Variants in ABCC8 observed in about 807,000 individuals in gnomAD.
ABCC8 encodes the protein ATP binding cassette subfamily C member 8.
Under a neutral mutation model 188.0 loss-of-function variants are expected in ABCC8, and 137 were observed. The observed-to-expected ratio is 0.73, with a 90% CI of 0.63 to 0.84. ABCC8 has a LOEUF of 0.84. Among genes scored for constraint, ABCC8 ranks in the 40% least tolerant of loss-of-function variants. The pLI, the probability that ABCC8 is intolerant of heterozygous loss-of-function variation, is 0.00. For missense variants in ABCC8, 1,750 were observed against 2,072.7 expected, an observed-to-expected ratio of 0.84 and a Z score of 3.02; for synonymous variants, 797 against 846.5, an observed-to-expected ratio of 0.94 and a Z score of 1.01.
rs572966649 is a variant in ABCC8, at chr11:17,469,715, C to T, written c.412+386G>A. 1.6e-4 allele frequency among the ~76,000 whole-genome samples: 24 copies of T among 152,286 alleles called. No individual in the cohort carries two copies. In the South Asian group the frequency reaches 5.0e-3, roughly 32 times the overall value. ...GCTTTGCCCACAGTGACATCTTTGCCAAATCTATCCCTATCAGAGGACTTT... is the reference window on the plus strand; with the variant it reads ...GCTTTGCCCACAGTGACATCTTTGCTAAATCTATCCCTATCAGAGGACTTT... On this transcript the variant is annotated intron_variant, in intron 3 of 38. Transcript: ENST00000389817.
chr11:17,403,715 C>T (rs1387272887), intron 28 of ABCC8, among the ~76,000 whole-genome samples: 1 of 152,184 alleles, frequency 6.6e-6, no homozygotes, highest in Non-Finnish European at 1.5e-5. Flanking sequence ...TCAGTACTCA[C>T]ACACCTCCAT....
chr11:17,456,271 A>G (rs946653503), intron 6 of ABCC8, among the ~76,000 whole-genome samples: 1 of 152,220 alleles, frequency 6.6e-6, no homozygotes, highest in Non-Finnish European at 1.5e-5. Context: ...AATCAAGCCA[A>G]TGATCTTCAT....
At chr11:17,445,185 T>C (rs1056315757) in intron 8 of ABCC8, among the ~76,000 whole-genome samples, 1 of 152,234 alleles carries the variant, frequency 6.6e-6, no homozygotes, top group Non-Finnish European at 1.5e-5. Flanking sequence ...TAACCTGGTG[T>C]TCTTGATAAA....
intron 7 of ABCC8, among the ~76,000 whole-genome samples, chr11:17,451,730 C>T (rs964582856): frequency 1.3e-5 from 2 of 152,230 alleles, no homozygotes; most frequent in African/African-American, 4.8e-5. Context: ...GCCCATTCTC[C>T]TCTTTGCACA....
intron 16 of ABCC8, among the ~76,000 whole-genome samples, chr11:17,424,849 C>T (rs1201879566): frequency 3.3e-5 from 5 of 152,212 alleles, no homozygotes; most frequent in Non-Finnish European, 7.3e-5. Context: ...ACTAGTAAGT[C>T]ACCCAACTTC....
At chr11:17,454,762 G>C (rs1275072872) in intron 6 of ABCC8, among the ~76,000 whole-genome samples, 1 of 152,178 alleles carries the variant, frequency 6.6e-6, no homozygotes, top group Non-Finnish European at 1.5e-5. Flanking sequence ...AAGGTCACAT[G>C]CTGGTAAGGG....
rs746647536 is a variant in ABCC8 at position 17,448,407 on chromosome 11, G to C, written c.1332+109C>G. ...TATAGCCAAGTGTGTGAAAGGTACA[G>C]GCAAGCATGGAGTGGAAGACGGTGT... On this transcript the variant is annotated intron_variant, in intron 8 of 38. Transcript: ENST00000389817. The C allele has an allele frequency of 6.0e-6, 6 of 1,000,036 alleles. No homozygotes were observed. The African/African-American group carries it at 9.5e-5, about 16-fold the overall frequency. 61.9% of individuals were successfully genotyped at this position (1,000,036 alleles called of 1,614,324 possible).
At chr11:17,429,526 A>AG (rs1160065375) in intron 12 of ABCC8, 2 of 152,228 alleles carry the variant, frequency 1.3e-5, no homozygotes, top group Non-Finnish European at 2.9e-5. Flanking sequence ...AGCTTCAGGT[A>AG]GTGTCCTGCG....
At chr11:17,423,035 C>G (rs1955415433) in intron 16 of ABCC8, among the ~76,000 whole-genome samples, 1 of 152,034 alleles carries the variant, frequency 6.6e-6, no homozygotes, top group Non-Finnish European at 1.5e-5. Flanking sequence ...CTGAGCTCTT[C>G]TAAGGCCCAG....
At chr11:17,460,417 G>T (rs1479990874) in intron 6 of ABCC8, 71 bp downstream of exon 6, 2 of 1,608,140 alleles carry the variant, frequency 1.2e-6, no homozygotes, top group African/African-American at 1.3e-5. Context: ...ACACACATTG[G>T]CCTGTTGCAC....
chr11:17,451,358 C>G (rs745585747), intron 7 of ABCC8, among the ~76,000 whole-genome samples: 3 of 152,196 alleles, frequency 2.0e-5, no homozygotes, highest in Non-Finnish European at 4.4e-5. Context: ...TTTTCCTGGG[C>G]TTTTTCCACT....
rs1455164593 is a variant in ABCC8 at position 17,463,828 on chromosome 11, T to C, written c.413-224A>G. ...TGAAAAACACCAATAATCTCATAAA[T>C]CAAACTGGTCAGACAAATGTCCCTT... On this transcript the variant is annotated intron_variant, in intron 3 of 38. Transcript: ENST00000389817. Among the ~76,000 whole-genome samples the C allele has an allele frequency of 3.3e-5, 5 of 152,072 alleles. No individual in the cohort carries two copies. In the South Asian group the frequency reaches 8.3e-4, roughly 25 times the overall value.
At position 17,461,777 on chromosome 11, in the gene ABCC8, G is replaced by C. The variant is rs752980376; in HGVS notation, c.628C>G (p.Leu210Val). The change falls in exon 5 of 39, where the codon CTG becomes GTG. Residue 210 changes from leucine to valine, a missense_variant. By Grantham distance (32) the Leu-to-Val change is conservative. Coordinates refer to ENST00000389817, the MANE Select transcript of ABCC8 (RefSeq NM_000352.6). ...AGGAAGCGTACCCCCAGGTCTTGCA[G>C]GTCCTCGGGAGGCTTCACCTCCCTC... Reference protein sequence around the residue: ...TPREVKPPEDLQDLGVRFLQP... With the variant: ...TPREVKPPEDVQDLGVRFLQP... 3.7e-6 allele frequency: 6 copies of C among 1,614,190 alleles called. No homozygotes were observed. The Admixed American group carries it at 8.3e-5, about 22-fold the overall frequency.
At chr11:17,467,137 A>C (rs1564986705) in intron 3 of ABCC8, among the ~76,000 whole-genome samples, 1 of 149,962 alleles carries the variant, frequency 6.7e-6, no homozygotes, top group South Asian at 2.1e-4. Context: ...ATGACCTTCC[A>C]GGTGGGTGCG....
At position 17,410,325 on chromosome 11, in the gene ABCC8, T is replaced by C; in HGVS notation, c.2694+191A>G. Reference sequence around the variant, plus strand: ...GATGGGGAGTGTCTGTGGGTCTAGGTGATACCAAACCCCTGGCCTGTACAG... The same window carrying C: ...GATGGGGAGTGTCTGTGGGTCTAGGCGATACCAAACCCCTGGCCTGTACAG... On this transcript the variant is annotated intron_variant, in intron 22 of 38. Coordinates refer to ENST00000389817, the MANE Select transcript of ABCC8 (RefSeq NM_000352.6). The C allele has an allele frequency of 4.7e-6, 3 of 641,326 alleles. No individual in the cohort carries two copies. In the South Asian group the frequency reaches 5.9e-5, roughly 13 times the overall value. The allele number at this position is 641,326 out of a possible 1,614,324, so 39.7% of individuals were successfully genotyped here.
chr11:17,441,008 T>A (rs1956294678), intron 10 of ABCC8, among the ~76,000 whole-genome samples: 1 of 152,168 alleles, frequency 6.6e-6, no homozygotes, highest in Non-Finnish European at 1.5e-5. Context: ...GATGGGTCTA[T>A]CTGGGAGACA....
intron 12 of ABCC8, 45 bp downstream of exon 12, chr11:17,430,769 A>G: frequency 1.9e-6 from 3 of 1,597,424 alleles, no homozygotes; most frequent in Non-Finnish European, 1.7e-6. Flanking sequence ...TGAGGCTGAC[A>G]CAGGACCTGC....
At chr11:17,395,442 G>C in intron 35 of ABCC8, 167 bp from the exon 36 acceptor site, 1 of 1,476,792 alleles carries the variant, frequency 6.8e-7, no homozygotes, top group Non-Finnish European at 9.1e-7. Flanking sequence ...CCCATGGGTG[G>C]GGGATCCCCT....
In ABCC8 at chr11:17,427,194, G is replaced by C. The variant is rs1955622716; in HGVS notation, c.2117-40C>G. 1 of 1,580,196 alleles carries C rather than the reference G, an allele frequency of 6.3e-7. No individual in the cohort carries two copies. The highest frequency in any genetic ancestry group is 1.3e-5 in the African/African-American group (1 of 74,432). ...GGTGGCAGATGTGAGTGGGGCCGGGGGAGTCTGAACAACCATTACCCAGAA... is the reference window on the plus strand; with the variant it reads ...GGTGGCAGATGTGAGTGGGGCCGGGCGAGTCTGAACAACCATTACCCAGAA... On this transcript the variant is annotated intron_variant, in intron 15 of 38. Coordinates refer to ENST00000389817, the MANE Select transcript of ABCC8 (RefSeq NM_000352.6). The surrounding 1 kb of genome is among the most constrained non-coding windows in gnomAD (Gnocchi z 5.0).
Sources: allele counts gnomAD v4.1 joint callset (sites outside exome capture counted in the v4.1 genomes callset), GRCh38; gene constraint gnomAD v4.1.1; non-coding constraint Gnocchi (gnomAD v3.1); transcripts MANE v1.5; gene names NCBI Gene and HGNC (gene_info 2026-07-23, HGNC 2026-07-21).